The following RNGTT variants were observed in gnomAD, a reference collection of about 807,000 sequenced individuals.
RNGTT encodes RNA guanylyltransferase and 5'-phosphatase, also known as mRNA-capping enzyme.
RNGTT carries 33 observed loss-of-function variants against 79.3 expected under a neutral mutation model. The observed-to-expected ratio is 0.42, with a 90% CI of 0.32 to 0.56. The LOEUF (loss-of-function observed/expected upper bound fraction) is 0.56. RNGTT is among the 20% of genes least tolerant of loss of function. RNGTT has a pLI of 0.17. For missense variants in RNGTT, 497 were observed against 739.1 expected (o/e 0.67, Z 3.80); for synonymous variants, 222 against 235.9 (o/e 0.94, Z 0.54).
intron 12 of RNGTT, among the ~76,000 whole-genome samples, chr6:88,793,850 T>C (rs969868926): frequency 2.6e-5 from 4 of 152,200 alleles, no homozygotes; most frequent in African/African-American, 4.8e-5. Context: ...AATACAGTCA[T>C]GTAATAGTCA....
intron 11 of RNGTT, among the ~76,000 whole-genome samples, chr6:88,809,169 G>A (rs1463315974): frequency 6.6e-6 from 1 of 151,788 alleles, no homozygotes; most frequent in African/African-American, 2.4e-5. Flanking sequence ...ACTGACAAAG[G>A]GGGTCAATTC....
intron 11 of RNGTT, among the ~76,000 whole-genome samples, chr6:88,835,197 T>C (rs546818421): frequency 5.3e-5 from 8 of 152,254 alleles, no homozygotes; most frequent in Middle Eastern, 3.4e-3. Flanking sequence ...AGATTATCTG[T>C]TCTTTTGTTT....
At chr6:88,675,454 G>A (rs1774833152) in intron 14 of RNGTT, among the ~76,000 whole-genome samples, 1 of 152,136 alleles carries the variant, frequency 6.6e-6, no homozygotes, top group African/African-American at 2.4e-5. Flanking sequence ...TACTTTGGGA[G>A]GCCAAGGCGG....
chr6:88,697,039 C>T (rs1775700146), intron 13 of RNGTT, among the ~76,000 whole-genome samples: 1 of 152,090 alleles, frequency 6.6e-6, no homozygotes, highest in South Asian at 2.1e-4. Flanking sequence ...CCCAGAAAGA[C>T]TGACTGTTAT....
chr6:88,643,852 G>T (rs551157874), intron 14 of RNGTT, among the ~76,000 whole-genome samples: 1 of 152,058 alleles, frequency 6.6e-6, no homozygotes, highest in South Asian at 2.1e-4. Flanking sequence ...CATTTAAAGC[G>T]GTGTGTAGAG....
At chr6:88,950,957 C>A (rs1197376774) in intron 1 of RNGTT, among the ~76,000 whole-genome samples, 1 of 151,350 alleles carries the variant, frequency 6.6e-6, no homozygotes, top group African/African-American at 2.4e-5. Context: ...CTCCCGGGTT[C>A]GAGTGATTCT....
chr6:88,744,347 C>T (rs151106243), intron 13 of RNGTT, among the ~76,000 whole-genome samples: 43 of 152,174 alleles, frequency 2.8e-4, no homozygotes, highest in African/African-American at 1.0e-3. Context: ...CTGCAACCTC[C>T]ACCTCCCGGG....
chr6:88,676,541 T>C (rs1392709937), intron 14 of RNGTT, among the ~76,000 whole-genome samples: 2 of 152,086 alleles, frequency 1.3e-5, no homozygotes, highest in Non-Finnish European at 2.9e-5. Context: ...ATTTCTTAGA[T>C]ACAACAACAA....
intron 14 of RNGTT, among the ~76,000 whole-genome samples, chr6:88,633,272 A>G (rs528966546): frequency 6.2e-4 from 94 of 152,308 alleles, no homozygotes; most frequent in Non-Finnish European, 1.1e-3. Flanking sequence ...GTAGAAAAAA[A>G]AAAGCTTGAT....
chr6:88,837,991 CTATT>C (rs556323053), intron 11 of RNGTT, among the ~76,000 whole-genome samples: 93 of 152,168 alleles, frequency 6.1e-4, no homozygotes, highest in African/African-American at 2.1e-3. Context: ...AAAAATATCA[CTATT>C]TACACTTAAT....
intron 4 of RNGTT, among the ~76,000 whole-genome samples, chr6:88,923,814 T>C (rs1438184697): frequency 1.3e-5 from 2 of 151,912 alleles, no homozygotes; most frequent in Admixed American, 1.3e-4. Flanking sequence ...CTTAATAAGT[T>C]GATTTAAAAA....
intron 1 of RNGTT, among the ~76,000 whole-genome samples, chr6:88,952,754 A>G (rs139886178): frequency 6.6e-6 from 1 of 152,306 alleles, no homozygotes; most frequent in African/African-American, 2.4e-5. Flanking sequence ...GCTGGTATCA[A>G]TGGCTGGGAC....
At chr6:88,630,677 G>A (rs1009523563) in intron 14 of RNGTT, among the ~76,000 whole-genome samples, 1 of 151,484 alleles carries the variant, frequency 6.6e-6, no homozygotes, top group Non-Finnish European at 1.5e-5. Flanking sequence ...AGTTCAGCAA[G>A]TCGGTGGGGA....
chr6:88,747,265 T>C (rs1420203332), intron 13 of RNGTT, among the ~76,000 whole-genome samples: 1 of 152,198 alleles, frequency 6.6e-6, no homozygotes, highest in African/African-American at 2.4e-5. Flanking sequence ...TGCACATACA[T>C]ACATCATATA....
rs555747102 is a variant in RNGTT at position 88,705,107 on chromosome 6, C to T, written c.1440-26688G>A. 4.3e-4 allele frequency among the ~76,000 whole-genome samples: 66 copies of T among 152,228 alleles called. 1 individual carries two copies. Among genetic ancestry groups the T allele is most frequent in the African/African-American group, 1.5e-3 (63 of 41,526 alleles). On this transcript the variant is annotated intron_variant, in intron 13 of 15. Transcript: ENST00000369485. ...GTTTTATGGAATTCCTTTAGATGCA[C>T]TATGACTCAACATTGAAACCACTGA...
intron 1 of RNGTT, among the ~76,000 whole-genome samples, chr6:88,948,745 CTT>C (rs537443323): frequency 0.076 from 7,884 of 103,352 alleles, 79 homozygotes; most frequent in Middle Eastern, 0.17. Context: ...ACATGGGAGA[CTT>C]TTCATTTTGT....
chr6:88,717,227 G>A (rs12174206), intron 13 of RNGTT, among the ~76,000 whole-genome samples: 18,014 of 152,126 alleles, frequency 0.12, 1,183 homozygotes, highest in Middle Eastern at 0.23. Flanking sequence ...AAAGACTGAG[G>A]TTATTGTTCA....
intron 12 of RNGTT, among the ~76,000 whole-genome samples, chr6:88,798,648 A>G (rs1033873099): frequency 6.6e-6 from 1 of 152,242 alleles, no homozygotes; most frequent in African/African-American, 2.4e-5. Context: ...TACTACATAA[A>G]TGGTGTAAAA....
At chr6:88,838,243 C>T (rs1270262271) in intron 11 of RNGTT, among the ~76,000 whole-genome samples, 2 of 152,074 alleles carry the variant, frequency 1.3e-5, no homozygotes, top group African/African-American at 4.8e-5. Flanking sequence ...TTCCATACAA[C>T]ATTAAACAAT....
Sources: gnomAD v4.1 joint callset for allele counts (sites outside exome capture counted in the v4.1 genomes callset) on GRCh38, gnomAD v4.1.1 for gene constraint, MANE v1.5 for transcripts, NCBI Gene and HGNC (gene_info 2026-07-23, HGNC 2026-07-21) for gene names.